Variants in TG observed in about 807,000 individuals in gnomAD.
TG encodes the protein thyroid hormones.
A neutral mutation model predicts 324.7 loss-of-function variants in TG; 270 were observed. The observed-to-expected ratio is 0.83, with a 90% CI of 0.75 to 0.92. The LOEUF (loss-of-function observed/expected upper bound fraction) is 0.92, where lower values mean the gene tolerates loss of function less well. Among genes scored for constraint, TG ranks in the 40% least tolerant of loss-of-function variants. TG has a pLI of 0.00. For missense variants in TG, 3,591 were observed against 3,456.4 expected (o/e 1.04, Z -0.98); for synonymous variants, 1,401 against 1,327.0 (o/e 1.06, Z -1.21).
At position 133,021,991 on chromosome 8, in the gene TG, GC is replaced by G. The variant is rs1428299571; in HGVS notation, c.6881del (p.Pro2294LeufsTer50). Reference sequence around the variant, plus strand: ...CCTCATGTTTCTCCAATACCCACAGGCCCCTAACGCGTCTGTGCTGGTGTTC... The same window carrying G: ...CCTCATGTTTCTCCAATACCCACAGGCCCTAACGCGTCTGTGCTGGTGTTC... ...YLNVFIPQNV[A>X]PNASVLVFFH... On this transcript the variant is annotated frameshift_variant and splice_region_variant, in exon 40 of 48. Coordinates refer to ENST00000220616, the MANE Select transcript of TG (RefSeq NM_003235.5). LOFTEE classifies it high-confidence loss of function. 1 of 1,614,118 alleles carries G rather than the reference GC, an allele frequency of 6.2e-7. No homozygotes were observed. Among genetic ancestry groups the G allele is most frequent in the African/African-American group, 1.3e-5 (1 of 75,042 alleles).
intron 34 of TG, among the ~76,000 whole-genome samples, chr8:132,973,791 A>T (rs879814407): frequency 1.3e-5 from 2 of 152,186 alleles, no homozygotes; most frequent in African/African-American, 2.4e-5. Flanking sequence ...TTCAACTAGG[A>T]GGAGTCAAAT....
intron 45 of TG, among the ~76,000 whole-genome samples, chr8:133,125,115 C>T (rs762557950): frequency 9.8e-5 from 15 of 152,324 alleles, no homozygotes; most frequent in Admixed American, 2.0e-4. Context: ...ATTTACCTAA[C>T]GCCGTCTATG....
At chr8:133,081,930 G>T (rs73350764) in intron 41 of TG, among the ~76,000 whole-genome samples, 2 of 152,204 alleles carry the variant, frequency 1.3e-5, no homozygotes, top group Non-Finnish European at 2.9e-5. Flanking sequence ...CAACAGAAGC[G>T]CAGAGGAGGA....
chr8:133,024,162 T>C (rs977050750), intron 40 of TG, among the ~76,000 whole-genome samples: 2 of 152,250 alleles, frequency 1.3e-5, no homozygotes, highest in Non-Finnish European at 1.5e-5. Flanking sequence ...AGTGGCATCC[T>C]GTGCCTTCAA....
intron 41 of TG, among the ~76,000 whole-genome samples, chr8:133,055,103 C>T (rs1415542303): frequency 2.0e-5 from 3 of 152,134 alleles, no homozygotes; most frequent in East Asian, 3.9e-4. Context: ...CGGAGCCACA[C>T]GGCTCTCCTT....
intron 40 of TG, 32 bp from the exon 41 acceptor site, chr8:133,029,789 C>T: frequency 6.2e-7 from 1 of 1,613,628 alleles, no homozygotes; most frequent in Non-Finnish European, 8.5e-7. Context: ...TGTAAAGTCA[C>T]AAAGGATAAA....
At chr8:133,100,445 G>A (rs1383856114) in intron 43 of TG, among the ~76,000 whole-genome samples, 1 of 152,162 alleles carries the variant, frequency 6.6e-6, no homozygotes, top group Non-Finnish European at 1.5e-5. Context: ...AGTTCTGCTA[G>A]ACAAATTGCA....
At chr8:132,867,647 A>G (rs1839079365) in intron 1 of TG, among the ~76,000 whole-genome samples, 1 of 151,616 alleles carries the variant, frequency 6.6e-6, no homozygotes. Context: ...AGTCATGTAC[A>G]TTATTAATTA....
At chr8:133,021,148 C>T (rs572047667) in intron 39 of TG, among the ~76,000 whole-genome samples, 2 of 152,300 alleles carry the variant, frequency 1.3e-5, no homozygotes, top group South Asian at 4.1e-4. Flanking sequence ...AAGCCTCTGC[C>T]TCTTCACCTG....
intron 10 of TG, among the ~76,000 whole-genome samples, chr8:132,889,954 G>A (rs1451843063): frequency 6.7e-6 from 1 of 150,216 alleles, no homozygotes; most frequent in Non-Finnish European, 1.5e-5. Flanking sequence ...TTTTTTTTTT[G>A]TACTTTTAGT....
intron 34 of TG, among the ~76,000 whole-genome samples, chr8:132,976,660 C>T (rs1353571917): frequency 1.3e-5 from 2 of 152,216 alleles, no homozygotes; most frequent in African/African-American, 4.8e-5. Context: ...ATCAGACTCT[C>T]ATTCTTCCAT....
chr8:133,055,498 G>A (rs993386742), intron 41 of TG, among the ~76,000 whole-genome samples: 8 of 152,050 alleles, frequency 5.3e-5, no homozygotes, highest in African/African-American at 1.9e-4. Context: ...CATGAACCAG[G>A]CTTGTGAGCC....
intron 41 of TG, chr8:133,049,597 G>T: frequency 2.6e-6 from 1 of 385,060 alleles, no homozygotes; most frequent in Non-Finnish European, 4.9e-6. Flanking sequence ...TCTAGTCTCT[G>T]CACTGTGCTG....
chr8:132,939,672 T>TTTTTTG (rs1554674681), intron 25 of TG, among the ~76,000 whole-genome samples: 5 of 147,306 alleles, frequency 3.4e-5, no homozygotes, highest in African/African-American at 9.9e-5. Flanking sequence ...GGTTTTTTTT[T>TTTTTTG]TTTGTTTGTT....
intron 10 of TG, among the ~76,000 whole-genome samples, chr8:132,889,043 A>T (rs1370857984): frequency 6.6e-6 from 1 of 152,222 alleles, no homozygotes; most frequent in Non-Finnish European, 1.5e-5. Flanking sequence ...GTGCCACCTG[A>T]AGTGGCTTTA....
chr8:133,103,167 A>G (rs1849479673), intron 43 of TG: 1 of 154,084 alleles, frequency 6.5e-6, no homozygotes, highest in Non-Finnish European at 1.4e-5. Context: ...AATGGGTCAC[A>G]ATTCTTAGCT....
chr8:132,902,431 A>G (rs761343765), intron 16 of TG, among the ~76,000 whole-genome samples: 2 of 151,782 alleles, frequency 1.3e-5, no homozygotes, highest in Non-Finnish European at 2.9e-5. Flanking sequence ...GAGTCCCCCC[A>G]CTCTCATTGC....
chr8:132,980,276 CAAG>C lies in TG; in HGVS notation c.6200-3066_6200-3064del, dbSNP rs1157069166. On this transcript the variant is annotated intron_variant, in intron 34 of 47. Transcript: ENST00000220616. Reference sequence around the variant, plus strand: ...ACTCTCAGTCCCCCTCCCCTATCTCCAAGAAGAAGAGAACAGCTGGAGATTGAG... The same window carrying C: ...ACTCTCAGTCCCCCTCCCCTATCTCCAAGAAGAGAACAGCTGGAGATTGAG... Among the ~76,000 whole-genome samples the C allele has an allele frequency of 2.6e-5, 4 of 152,054 alleles. No homozygotes were observed. In the East Asian group the frequency reaches 7.7e-4, roughly 29 times the overall value.
At chr8:132,956,540 A>C (rs113131985) in intron 27 of TG, among the ~76,000 whole-genome samples, 1 of 152,182 alleles carries the variant, frequency 6.6e-6, no homozygotes, top group African/African-American at 2.4e-5. Flanking sequence ...AGGTCAATCA[A>C]GTGAAAGAGA....
Sources: allele counts gnomAD v4.1 joint callset (sites outside exome capture counted in the v4.1 genomes callset), GRCh38; gene constraint gnomAD v4.1.1; transcripts MANE v1.5; gene names NCBI Gene and HGNC (gene_info 2026-07-23, HGNC 2026-07-21).